Variants in ZNF496 observed in about 807,000 individuals in gnomAD.
The protein encoded by ZNF496 is zinc finger protein 496.
ZNF496 carries 11 observed loss-of-function variants against 58.9 expected under a neutral mutation model. The observed-to-expected ratio is 0.19, with a 90% confidence interval of 0.12 to 0.31. The LOEUF (loss-of-function observed/expected upper bound fraction) is 0.31, where lower values mean the gene tolerates loss of function less well. Ranked by LOEUF, ZNF496 falls within the 10% of genes least tolerant of loss-of-function variation. ZNF496 has a pLI of 1.00. For synonymous variants in ZNF496, 338 were observed against 318.2 expected (o/e 1.06, Z -0.66); for missense variants, 660 against 783.0 (o/e 0.84, Z 1.88).
intron 6 of ZNF496, among the ~76,000 whole-genome samples, chr1:247,321,068 C>T (rs1401444761): frequency 2.6e-5 from 4 of 151,782 alleles, no homozygotes; most frequent in East Asian, 1.9e-4. Context: ...CCCAGCTACT[C>T]GGGAGGCTGA....
intron 6 of ZNF496, chr1:247,322,809 T>C: frequency 2.3e-6 from 3 of 1,303,996 alleles, no homozygotes; most frequent in Non-Finnish European, 3.0e-6. Context: ...AAATTCTCTG[T>C]AAAATAAAAG....
chr1:247,324,079 G>GAA lies in ZNF496; in HGVS notation c.575-851_575-850dup, dbSNP rs61548661. 8.3e-3 allele frequency among the ~76,000 whole-genome samples: 728 copies of GAA among 88,228 alleles called. 10 individuals are homozygous for GAA. The highest frequency in any genetic ancestry group is 0.034 in the African/African-American group (609 of 17,812). 57.9% of individuals were successfully genotyped at this position (88,228 alleles called of 152,430 possible). A position where few individuals can be genotyped will look rare whatever the true frequency, so the allele number is the denominator to read the frequency against. Reference sequence around the variant, plus strand: ...GACAGAACATGGCTCTGTCTCAAATGAAAAAAAAAAAAAAAAAAAGTAAGG... The same window carrying GAA: ...GACAGAACATGGCTCTGTCTCAAATGAAAAAAAAAAAAAAAAAAAAAGTAAGG... On this transcript the variant is annotated intron_variant, in intron 5 of 9. Transcript: ENST00000682384.
intron 5 of ZNF496, among the ~76,000 whole-genome samples, chr1:247,324,755 CAG>C (rs1256201179): frequency 2.0e-5 from 3 of 151,898 alleles, no homozygotes; most frequent in African/African-American, 7.3e-5. Context: ...AATTTGAAGA[CAG>C]AAATTAAACA....
rs760687750 is a variant in ZNF496, at chr1:247,328,709, G to T, written c.548C>A (p.Pro183Gln). The change falls in exon 5 of 10, where the codon CCA (proline) becomes CAA (glutamine). Residue 183 changes from proline to glutamine, a missense_variant. Pro to Gln is a moderately conservative substitution (Grantham distance 76). Coordinates refer to ENST00000682384, the MANE Select transcript of ZNF496 (RefSeq NM_032752.3). Reference protein sequence around the residue: ...LAQCLGLPSRPPSQLSGDPVL... With the variant: ...LAQCLGLPSRQPSQLSGDPVL... Reference sequence around the variant, plus strand: ...TGGGTCCCCGCTGAGCTGGCTTGGTGGTCTGCTTGGGAGCCCCAGGCACTG... The same window carrying T: ...TGGGTCCCCGCTGAGCTGGCTTGGTTGTCTGCTTGGGAGCCCCAGGCACTG... The T allele has an allele frequency of 6.2e-7, 1 of 1,601,864 alleles. No homozygotes were observed.
chr1:247,301,214 G>T lies in ZNF496; in HGVS notation c.1069C>A (p.Leu357Ile). The T allele has an allele frequency of 6.5e-7, 1 of 1,549,114 alleles. No homozygotes were observed. The highest frequency in any genetic ancestry group is 8.7e-7 in the Non-Finnish European group (1 of 1,148,590). ...GAGTCCTCGTCCCCAGAGCTGGAGA[G>T]AACGATCTCGATGGTCACTTCTTCA... ...LDEEVTIEIV[L>I]SSSGDEDSQH... Residue 357 changes from leucine (L) to isoleucine (I), a missense_variant, in exon 10 of 10, where the codon CTC (leucine) becomes ATC (isoleucine). Transcript: ENST00000682384.
At chr1:247,305,086 G>T (rs1659368111) in intron 9 of ZNF496, among the ~76,000 whole-genome samples, 1 of 152,136 alleles carries the variant, frequency 6.6e-6, no homozygotes, top group African/African-American at 2.4e-5. Flanking sequence ...CTCAGAATGT[G>T]ACTGTATTTG....
chr1:247,326,386 A>G (rs1041709091), intron 5 of ZNF496, among the ~76,000 whole-genome samples: 1 of 152,036 alleles, frequency 6.6e-6, no homozygotes, highest in Non-Finnish European at 1.5e-5. Context: ...TACTTTGCCT[A>G]TTGATTATTG....
In ZNF496 at chr1:247,329,892, C is replaced by G. The variant is rs1660262453; in HGVS notation, c.-38+74G>C. On this transcript the variant is annotated intron_variant, in intron 3 of 9. Transcript: ENST00000682384. This position sits in a 1 kb window ranked among gnomAD's most constrained non-coding sequence, Gnocchi z 5.5. ...CTGGGAGAAAGTGGTGGCATTTCAA[C>G]GTGACACTGCTGTTTTGAGCATCCC... 5 of 305,810 alleles carry G rather than the reference C, an allele frequency of 1.6e-5. No homozygotes were observed. The highest frequency in any genetic ancestry group is 9.2e-4 in the Middle Eastern group (1 of 1,090). 18.9% of individuals were successfully genotyped at this position (305,810 alleles called of 1,614,324 possible). A position where few individuals can be genotyped will look rare whatever the true frequency, so the allele number is the denominator to read the frequency against.
At chr1:247,313,454 A>C (rs1271231714) in intron 6 of ZNF496, 1 of 152,236 alleles carries the variant, frequency 6.6e-6, no homozygotes, top group African/African-American at 2.4e-5. Context: ...GGCAAAATCC[A>C]CATGGCAGCT....
intron 5 of ZNF496, among the ~76,000 whole-genome samples, chr1:247,325,512 G>A (rs926907947): frequency 4.6e-5 from 7 of 152,078 alleles, no homozygotes; most frequent in South Asian, 2.1e-4. Context: ...TTTTTGTGAC[G>A]AGAACATTTC....
chr1:247,325,042 G>A (rs1394863081), intron 5 of ZNF496, among the ~76,000 whole-genome samples: 1 of 152,266 alleles, frequency 6.6e-6, no homozygotes, highest in Non-Finnish European at 1.5e-5. Flanking sequence ...GACTTGGAGA[G>A]CTGTGCTATA....
chr1:247,331,134 C>T (rs1660312104), intron 2 of ZNF496, among the ~76,000 whole-genome samples: 1 of 152,274 alleles, frequency 6.6e-6, no homozygotes, highest in Admixed American at 6.5e-5. Flanking sequence ...GGCGCCCACC[C>T]GGGCTGCCAC....
chr1:247,298,063 A>G lies in ZNF496; in HGVS notation c.*2456T>C, dbSNP rs1425774970. ...TCAGCACAGGTAGGAGCACACAGGTAGGTGGGGTAAACGTGTACAGAGAGC... is the reference window on the plus strand; with the variant it reads ...TCAGCACAGGTAGGAGCACACAGGTGGGTGGGGTAAACGTGTACAGAGAGC... On this transcript the variant is annotated 3_prime_UTR_variant, in exon 10 of 10. Coordinates refer to ENST00000682384, the MANE Select transcript of ZNF496 (RefSeq NM_032752.3). 3.3e-5 allele frequency: 5 copies of G among 152,218 alleles called. No homozygotes were observed. Among genetic ancestry groups the G allele is most frequent in the African/African-American group, 4.8e-5 (2 of 41,458 alleles). The allele number at this position is 152,218 out of a possible 1,614,324, so 9.4% of individuals were successfully genotyped here. A position where few individuals can be genotyped will look rare whatever the true frequency, so the allele number is the denominator to read the frequency against.
At position 247,329,580 on chromosome 1, in the gene ZNF496, A is replaced by T; in HGVS notation, c.-2T>A. The T allele has an allele frequency of 6.5e-7, 1 of 1,539,748 alleles. No homozygotes were observed. On this transcript the variant is annotated 5_prime_UTR_variant, in exon 4 of 10. Coordinates refer to ENST00000682384, the MANE Select transcript of ZNF496 (RefSeq NM_032752.3). The surrounding 1 kb of genome is among the most constrained non-coding windows in gnomAD (Gnocchi z 5.5). ...TCGGGGGCACAGGGCTGTGGGCATG[A>T]TGGGATTTGATGGGGGTCAGCAGCA...
At chr1:247,330,913 A>G (rs949983824) in intron 2 of ZNF496, among the ~76,000 whole-genome samples, 4 of 152,274 alleles carry the variant, frequency 2.6e-5, no homozygotes, top group Non-Finnish European at 5.9e-5. Context: ...TTTGCTTTCC[A>G]AAGTAACAAC....
At chr1:247,321,697 T>C (rs1659969246) in intron 6 of ZNF496, among the ~76,000 whole-genome samples, 1 of 152,226 alleles carries the variant, frequency 6.6e-6, no homozygotes, top group Admixed American at 6.5e-5. Flanking sequence ...TACTAGGGAC[T>C]GCAGGAATTG....
intron 6 of ZNF496, 161 bp from the exon 7 acceptor site, chr1:247,310,617 G>A: frequency 1.1e-6 from 1 of 894,774 alleles, no homozygotes; most frequent in Admixed American, 2.8e-5. Context: ...CCAAGATCAA[G>A]GTGCCAGCAG....
At position 247,328,748 on chromosome 1, in the gene ZNF496, G is replaced by T; in HGVS notation, c.509C>A (p.Pro170His). ...CCCCAGGCACTGTGCCAGGGTTATG[G>T]GCTGGGCATCCTGGTTCTTTGCAAG... Reference protein sequence around the residue: ...SDLAKNQDAQPITLAQCLGLP... With the variant: ...SDLAKNQDAQHITLAQCLGLP... Residue 170 changes from proline (P) to histidine (H), a missense_variant, in exon 5 of 10, where the codon CCC becomes CAC. Physicochemically the swap from Pro to His is moderately conservative, Grantham distance 77. Coordinates refer to ENST00000682384, the MANE Select transcript of ZNF496 (RefSeq NM_032752.3). 1 of 1,613,688 alleles carries T rather than the reference G, an allele frequency of 6.2e-7. No homozygotes were observed. Among genetic ancestry groups the T allele is most frequent in the Non-Finnish European group, 8.5e-7 (1 of 1,179,856 alleles).
chr1:247,306,114 A>G (rs891230785), intron 9 of ZNF496, among the ~76,000 whole-genome samples: 13 of 152,188 alleles, frequency 8.5e-5, no homozygotes, highest in Non-Finnish European at 2.9e-5. Context: ...GGCAGTTTCT[A>G]TGAATCCACA....
Sources: gnomAD v4.1 joint callset for allele counts (sites outside exome capture counted in the v4.1 genomes callset) on GRCh38, gnomAD v4.1.1 for gene constraint, Gnocchi (gnomAD v3.1) non-coding constraint, MANE v1.5 for transcripts, NCBI Gene and HGNC (gene_info 2026-07-23, HGNC 2026-07-21) for gene names.